The following ROCK1 variants were observed in gnomAD, a reference collection of about 807,000 sequenced individuals.
The protein encoded by ROCK1 is Rho associated coiled-coil containing protein kinase 1.
A neutral mutation model predicts 196.8 loss-of-function variants in ROCK1; 36 were observed. That is an observed-to-expected ratio of 0.18 (90% CI 0.14 to 0.24). The LOEUF is 0.24. Ranked by LOEUF, ROCK1 falls within the 10% of genes least tolerant of loss-of-function variation. The pLI is 1.00. For synonymous variants in ROCK1, 443 were observed against 515.9 expected (o/e 0.86, Z 1.91); for missense variants, 920 against 1,562.0 (o/e 0.59, Z 6.93).
chr18:21,017,485 T>G (rs1441398746), intron 12 of ROCK1, among the ~76,000 whole-genome samples: 1 of 151,406 alleles, frequency 6.6e-6, no homozygotes, highest in Non-Finnish European at 1.5e-5. Flanking sequence ...CCACCGCACC[T>G]GGCCTACCAC....
intron 27 of ROCK1, among the ~76,000 whole-genome samples, chr18:20,965,851 C>G (rs1005262515): frequency 6.6e-6 from 1 of 152,170 alleles, no homozygotes. Context: ...CAAAGCCACA[C>G]AAGAATGAGG....
At chr18:20,967,108 C>T in intron 26 of ROCK1, 32 bp from the exon 27 acceptor site, 1 of 1,424,708 alleles carries the variant, frequency 7.0e-7, no homozygotes, top group South Asian at 1.2e-5. Context: ...ATAATATAAT[C>T]AAGCTAAAAC....
At chr18:21,015,936 T>C (rs981183619) in intron 12 of ROCK1, among the ~76,000 whole-genome samples, 7 of 151,552 alleles carry the variant, frequency 4.6e-5, no homozygotes, top group African/African-American at 1.7e-4. Flanking sequence ...GCCGAGATCA[T>C]GCTACTGTAC....
intron 6 of ROCK1, 38 bp downstream of exon 6, chr18:21,044,064 G>T: frequency 1.5e-6 from 2 of 1,302,512 alleles, no homozygotes; most frequent in South Asian, 1.2e-5. Flanking sequence ...CATCTACCTT[G>T]AATTAGCAAA....
rs1394901953 is a variant in ROCK1, at chr18:20,954,956, T to C, written c.3680A>G (p.Lys1227Arg). The C allele has an allele frequency of 1.2e-6, 2 of 1,613,792 alleles. No individual in the cohort carries two copies. The highest frequency in any genetic ancestry group is 2.7e-5 in the African/African-American group (2 of 74,922). Reference protein sequence around the residue: ...QAEKTNFQNHKGHEFIPTLYH... With the variant: ...QAEKTNFQNHRGHEFIPTLYH... ...GAGTGTAGGAATAAACTCATGGCCTTTGTGATTTTGGAAATTAGTTTTTTC... is the reference window on the plus strand; with the variant it reads ...GAGTGTAGGAATAAACTCATGGCCTCTGTGATTTTGGAAATTAGTTTTTTC... The change falls in exon 31 of 33, where the codon AAA becomes AGA. Residue 1227 changes from lysine to arginine, a missense_variant. By Grantham distance (26) the Lys-to-Arg change is conservative. Coordinates refer to ENST00000399799, the MANE Select transcript of ROCK1 (RefSeq NM_005406.3).
At chr18:20,989,494 T>C (rs984194149) in intron 18 of ROCK1, among the ~76,000 whole-genome samples, 7 of 152,250 alleles carry the variant, frequency 4.6e-5, no homozygotes, top group Non-Finnish European at 1.0e-4. Context: ...TTTAGAAGTT[T>C]GGATATTTTT....
At chr18:21,041,269 T>C (rs1308108251) in intron 8 of ROCK1, among the ~76,000 whole-genome samples, 33 of 140,844 alleles carry the variant, frequency 2.3e-4, no homozygotes, top group African/African-American at 8.8e-4. Flanking sequence ...CTGTCTCTAT[T>C]TAAAAAAAAA....
intron 2 of ROCK1, among the ~76,000 whole-genome samples, chr18:21,064,882 C>T (rs2036321054): frequency 2.0e-5 from 3 of 152,116 alleles, no homozygotes; most frequent in South Asian, 4.1e-4. Context: ...CTAACTGCGC[C>T]CACTATTTCT....
At chr18:21,092,183 AGGAACAAGGTATT>A (rs2036576190) in intron 1 of ROCK1, among the ~76,000 whole-genome samples, 1 of 152,298 alleles carries the variant, frequency 6.6e-6, no homozygotes, top group African/African-American at 2.4e-5. Flanking sequence ...TGACAGGTGA[AGGAACAAGGTATT>A]GGAGAGTTAC....
chr18:20,982,996 G>T (rs534555559), intron 20 of ROCK1, among the ~76,000 whole-genome samples, 164 bp from the exon 21 acceptor site: 2 of 151,758 alleles, frequency 1.3e-5, no homozygotes, highest in Admixed American at 6.6e-5. Context: ...AACTTGGTCA[G>T]GCCACACCGG....
chr18:21,110,580 A>T (rs926341141), intron 1 of ROCK1, among the ~76,000 whole-genome samples: 2 of 152,180 alleles, frequency 1.3e-5, no homozygotes, highest in African/African-American at 4.8e-5. Context: ...TCTTTCGGGT[A>T]CTCATGAACT....
At chr18:21,021,661 G>A (rs1165120962) in intron 11 of ROCK1, among the ~76,000 whole-genome samples, 1 of 152,136 alleles carries the variant, frequency 6.6e-6, no homozygotes, top group African/African-American at 2.4e-5. Context: ...TTTGTACTTA[G>A]TTCTAGGTTG....
At chr18:20,995,339 A>G (rs2035661367) in intron 16 of ROCK1, among the ~76,000 whole-genome samples, 1 of 152,224 alleles carries the variant, frequency 6.6e-6, no homozygotes, top group Admixed American at 6.5e-5. Context: ...AGAAGGGCCA[A>G]ATAGAAGCCT....
chr18:21,023,792 G>A (rs901122926), intron 10 of ROCK1, 112 bp from the exon 11 acceptor site: 9 of 479,110 alleles, frequency 1.9e-5, no homozygotes, highest in Non-Finnish European at 2.9e-5. Flanking sequence ...TAGTAACTTT[G>A]TTTTTAAAAA....
At chr18:21,062,929 C>G (rs1444379765) in intron 2 of ROCK1, among the ~76,000 whole-genome samples, 1 of 152,032 alleles carries the variant, frequency 6.6e-6, no homozygotes, top group Non-Finnish European at 1.5e-5. Flanking sequence ...ACATAAATGC[C>G]CCTGCTCTCA....
chr18:21,000,689 A>G (rs2035716282), intron 16 of ROCK1, among the ~76,000 whole-genome samples: 6 of 152,242 alleles, frequency 3.9e-5, no homozygotes. Flanking sequence ...GACAATGAAA[A>G]TCAAAACAAA....
chr18:20,963,287 A>T (rs2035343992), intron 27 of ROCK1, among the ~76,000 whole-genome samples: 1 of 152,182 alleles, frequency 6.6e-6, no homozygotes, highest in Non-Finnish European at 1.5e-5. Context: ...TACTCGATAT[A>T]GCCAATTCAA....
At chr18:21,060,898 C>A (rs1174186278) in intron 2 of ROCK1, among the ~76,000 whole-genome samples, 2 of 148,094 alleles carry the variant, frequency 1.4e-5, no homozygotes, top group Admixed American at 1.3e-4. Context: ...CGAATATTTA[C>A]GGCAGCTTTA....
chr18:20,959,117 T>TAAAAA (rs2035294336), intron 29 of ROCK1, among the ~76,000 whole-genome samples: 4 of 54,582 alleles, frequency 7.3e-5, no homozygotes, highest in African/African-American at 4.9e-4. Flanking sequence ...ATATATATTA[T>TAAAAA]ATAATATATA....
Sources: allele counts gnomAD v4.1 joint callset (sites outside exome capture counted in the v4.1 genomes callset), GRCh38; gene constraint gnomAD v4.1.1; transcripts MANE v1.5; gene names NCBI Gene and HGNC (gene_info 2026-07-23, HGNC 2026-07-21).